Variants in CDC14B observed in about 807,000 individuals in gnomAD.
The protein encoded by CDC14B is cell division cycle 14B, also known as dual specificity protein phosphatase CDC14B.
In CDC14B, 22 loss-of-function variants were observed where a neutral mutation model predicts 64.2. That is an observed-to-expected ratio of 0.34 (90% CI 0.24 to 0.49). The LOEUF (loss-of-function observed/expected upper bound fraction) is 0.49, where lower values mean the gene tolerates loss of function less well. Among genes scored for constraint, CDC14B ranks in the 20% least tolerant of loss-of-function variants. The pLI is 0.99. For synonymous variants in CDC14B, 191 were observed against 215.8 expected, an observed-to-expected ratio of 0.89 and a Z score of 1.01; for missense variants, 498 against 629.9, an observed-to-expected ratio of 0.79 and a Z score of 2.24.
chr9:96,566,949 A>C, intron 1 of CDC14B: 1 of 1,484,932 alleles, frequency 6.7e-7, no homozygotes, highest in Non-Finnish European at 9.0e-7. Flanking sequence ...GCGCAGCGAC[A>C]CCCCTCGGCG....
In CDC14B at chr9:96,533,997, A is replaced by T; in HGVS notation, c.876T>A (p.Thr292=). The T allele has an allele frequency of 1.9e-6, 3 of 1,613,184 alleles. No individual in the cohort carries two copies. The highest frequency in any genetic ancestry group is 2.5e-6 in the Non-Finnish European group (3 of 1,179,508). Residue 292 remains threonine (T), a synonymous_variant, in exon 9 of 14, where the codon ACT becomes ACA. Coordinates refer to ENST00000375241, the MANE Select transcript of CDC14B (RefSeq NM_033331.4). ...CTAGGAATTCTTTGACAATGGCATC[A>T]GTAGGGGTGCTGCCATCCGCAAAGA... is the stretch of plus-strand genomic sequence containing the variant. ...DLFFADGSTP[T]DAIVKEFLDI... is the part of the protein sequence containing the mutation.
chr9:96,526,460 G>A (rs1056937770), intron 9 of CDC14B, among the ~76,000 whole-genome samples: 3 of 152,138 alleles, frequency 2.0e-5, no homozygotes, highest in Non-Finnish European at 4.4e-5. Flanking sequence ...CGAGGAGAGA[G>A]GCCTCCCCAG....
intron 12 of CDC14B, among the ~76,000 whole-genome samples, chr9:96,517,567 C>T (rs187045411): frequency 0.013 from 1,760 of 133,314 alleles, 33 homozygotes; most frequent in African/African-American, 0.048. Context: ...TGGCATGAAC[C>T]TGGGAGGTGG....
chr9:96,520,207 C>T (rs781463988), intron 12 of CDC14B, among the ~76,000 whole-genome samples: 1 of 152,212 alleles, frequency 6.6e-6, no homozygotes, highest in East Asian at 1.9e-4. Flanking sequence ...CTTAGAAAAA[C>T]TAGCATTTCG....
intron 5 of CDC14B, among the ~76,000 whole-genome samples, chr9:96,550,699 C>T (rs1841676082): frequency 6.6e-6 from 1 of 152,170 alleles, no homozygotes; most frequent in African/African-American, 2.4e-5. Flanking sequence ...ATTTATTACC[C>T]ATTAAGTACC....
intron 12 of CDC14B, 29 bp from the exon 13 acceptor site, chr9:96,509,818 A>G (rs1280056071): frequency 1.5e-6 from 2 of 1,371,798 alleles, no homozygotes; most frequent in Admixed American, 3.5e-5. Flanking sequence ...AAATAAGATT[A>G]TATTCACTGA....
At chr9:96,491,257 T>G (rs1471149166) in exon 14 of CDC14B, 1 of 152,270 alleles carries the variant, frequency 6.6e-6, no homozygotes, top group Non-Finnish European at 1.5e-5. Flanking sequence ...GGATCTGTGC[T>G]TTTTCCCACT....
rs1259397237 is a variant in CDC14B at position 96,548,826 on chromosome 9, G to A, written c.497+2970C>T. On this transcript the variant is annotated intron_variant, in intron 5 of 13. Transcript: ENST00000375241. Reference sequence around the variant, plus strand: ...TAAAAAAAAAAAAAAGAGAGAGAGAGAATTCTATCTAAGTTGAATTAAATC... The same window carrying A: ...TAAAAAAAAAAAAAAGAGAGAGAGAAAATTCTATCTAAGTTGAATTAAATC... Among the ~76,000 whole-genome samples, 4 of 151,550 alleles carry A rather than the reference G, an allele frequency of 2.6e-5. No individual in the cohort carries two copies. The South Asian group carries it at 6.2e-4, about 24-fold the overall frequency.
intron 2 of CDC14B, among the ~76,000 whole-genome samples, chr9:96,565,184 A>C (rs1325903517): frequency 6.6e-6 from 1 of 152,048 alleles, no homozygotes; most frequent in Non-Finnish European, 1.5e-5. Context: ...TGTAGTGTAA[A>C]TATTAGACTA....
intron 4 of CDC14B, among the ~76,000 whole-genome samples, chr9:96,557,438 C>A (rs994612841): frequency 1.3e-5 from 2 of 152,246 alleles, no homozygotes; most frequent in Non-Finnish European, 2.9e-5. Flanking sequence ...GCGTCTAGAT[C>A]CTCGTTCTCT....
chr9:96,562,818 T>C, intron 3 of CDC14B, 33 bp from the exon 4 acceptor site: 1 of 1,370,076 alleles, frequency 7.3e-7, no homozygotes, highest in Non-Finnish European at 1.0e-6. Context: ...TAGCATTTTC[T>C]TTTTAATTTC....
intron 1 of CDC14B, among the ~76,000 whole-genome samples, chr9:96,587,649 G>A (rs1301376748): frequency 6.6e-6 from 1 of 152,182 alleles, no homozygotes; most frequent in Non-Finnish European, 1.5e-5. Flanking sequence ...TTATACATGT[G>A]ATCTCCTTCA....
At chr9:96,572,506 G>A (rs897147095) in intron 1 of CDC14B, among the ~76,000 whole-genome samples, 2 of 151,434 alleles carry the variant, frequency 1.3e-5, no homozygotes, top group African/African-American at 4.9e-5. Flanking sequence ...GTGTTGATGT[G>A]ACAGCAGAGG....
intron 12 of CDC14B, among the ~76,000 whole-genome samples, chr9:96,522,046 A>G (rs922773129): frequency 6.6e-6 from 1 of 152,232 alleles, no homozygotes; most frequent in African/African-American, 2.4e-5. Context: ...TCCCCAAAGA[A>G]ACAAACGAAA....
intron 9 of CDC14B, among the ~76,000 whole-genome samples, chr9:96,529,081 A>C (rs1173762324): frequency 6.6e-6 from 1 of 152,122 alleles, no homozygotes; most frequent in Non-Finnish European, 1.5e-5. Context: ...TTGATGCACA[A>C]AAGTTTTAAA....
chr9:96,586,906 C>T (rs1006501307), intron 1 of CDC14B, among the ~76,000 whole-genome samples: 9 of 152,074 alleles, frequency 5.9e-5, no homozygotes, highest in Admixed American at 5.9e-4. Flanking sequence ...GGCGCGGTGG[C>T]TCATGCCTGT....
intron 4 of CDC14B, among the ~76,000 whole-genome samples, chr9:96,552,180 T>C (rs1841920496): frequency 6.6e-6 from 1 of 152,202 alleles, no homozygotes; most frequent in Admixed American, 6.5e-5. Flanking sequence ...TCCCATGCTT[T>C]TACCTCCCCT....
intron 4 of CDC14B, among the ~76,000 whole-genome samples, chr9:96,560,331 T>C (rs541237149): frequency 6.6e-6 from 1 of 152,272 alleles, no homozygotes; most frequent in East Asian, 1.9e-4. Context: ...AAAGGCAAGA[T>C]CCACAAAGAA....
chr9:96,491,725 C>T (rs1833100128), exon 14 of CDC14B: 1 of 152,146 alleles, frequency 6.6e-6, no homozygotes, highest in African/African-American at 2.4e-5. Context: ...CTTGAAAAGC[C>T]CACAGCACTT....
Sources: gnomAD v4.1 joint callset for allele counts (sites outside exome capture counted in the v4.1 genomes callset) on GRCh38, gnomAD v4.1.1 for gene constraint, MANE v1.5 for transcripts, NCBI Gene and HGNC (gene_info 2026-07-23, HGNC 2026-07-21) for gene names.